Variants in VGLL3 observed in about 807,000 individuals in gnomAD.
VGLL3 encodes vestigial like family member 3, also known as transcription cofactor vestigial-like protein 3.
A neutral mutation model predicts 29.2 loss-of-function variants in VGLL3; 18 were observed. The observed-to-expected ratio is 0.62, with a 90% CI of 0.43 to 0.91. The LOEUF is 0.91. Among genes scored for constraint, VGLL3 ranks in the 40% least tolerant of loss-of-function variants. VGLL3 has a pLI of 0.00. For missense variants in VGLL3, 440 were observed against 413.2 expected (o/e 1.06, Z -0.56); for synonymous variants, 180 against 151.8 (o/e 1.19, Z -1.36).
rs1299304442 is a variant in VGLL3, at chr3:86,938,663, A to G, written c.*8361T>C. On this transcript the variant is annotated 3_prime_UTR_variant, in exon 4 of 4. Transcript: ENST00000398399. ...TCGAACAAAGTCTTGCAGCTCATTT[A>G]TTGATCAGCAGCATTCCAGAGTATG... is the stretch of plus-strand genomic sequence containing the variant. 1 of 152,636 alleles carries G rather than the reference A, an allele frequency of 6.6e-6. No homozygotes were observed. The highest frequency in any genetic ancestry group is 1.5e-5 in the Non-Finnish European group (1 of 68,038). 9.5% of individuals were successfully genotyped at this position (152,636 alleles called of 1,614,324 possible).
At chr3:86,986,312 A>C (rs79228005) in intron 1 of VGLL3, among the ~76,000 whole-genome samples, 2,518 of 152,212 alleles carry the variant, frequency 0.017, 76 homozygotes, top group African/African-American at 0.057. Flanking sequence ...TTCTTGGTGA[A>C]CACATCCTCA....
chr3:86,946,887 C>A lies in VGLL3; in HGVS notation c.*137G>T, dbSNP rs1704518810. The A allele has an allele frequency of 1.6e-6, 1 of 638,374 alleles. No individual in the cohort carries two copies. Among genetic ancestry groups the A allele is most frequent in the Non-Finnish European group, 2.9e-6 (1 of 348,628 alleles). 39.5% of individuals were successfully genotyped at this position (638,374 alleles called of 1,614,324 possible). On this transcript the variant is annotated 3_prime_UTR_variant, in exon 4 of 4. Coordinates refer to ENST00000398399, the MANE Select transcript of VGLL3 (RefSeq NM_016206.4). ...TTGCTTTCTCAAGAAAGGCCGAAAA[C>A]CAGTCAACTGCGTGACACTTTGTCT...
intron 2 of VGLL3, among the ~76,000 whole-genome samples, chr3:86,977,980 A>G (rs1268721697): frequency 6.6e-6 from 1 of 152,220 alleles, no homozygotes; most frequent in Non-Finnish European, 1.5e-5. Flanking sequence ...TTATCAAGGT[A>G]AAAACACTAG....
intron 1 of VGLL3, chr3:86,990,384 T>TCC: frequency 5.1e-6 from 5 of 985,310 alleles, no homozygotes; most frequent in Non-Finnish European, 6.0e-6. Flanking sequence ...GCCTCTGAGC[T>TCC]CCGGTGACCA....
intron 3 of VGLL3, among the ~76,000 whole-genome samples, chr3:86,966,393 T>C (rs1704960363): frequency 6.6e-6 from 1 of 152,090 alleles, no homozygotes. Context: ...ATGATTATGC[T>C]AATAATTTTA....
intron 3 of VGLL3, among the ~76,000 whole-genome samples, chr3:86,952,284 C>T (rs1704633339): frequency 6.6e-6 from 1 of 152,068 alleles, no homozygotes; most frequent in Non-Finnish European, 1.5e-5. Context: ...AATAAATAAA[C>T]ATTGGGTAAC....
At chr3:86,949,046 G>A (rs1440456564) in intron 3 of VGLL3, among the ~76,000 whole-genome samples, 1 of 152,130 alleles carries the variant, frequency 6.6e-6, no homozygotes, top group Admixed American at 6.5e-5. Flanking sequence ...CTTGAAGACT[G>A]CATCAATCTA....
chr3:86,983,297 G>C (rs1382250068), intron 1 of VGLL3, among the ~76,000 whole-genome samples: 1 of 152,150 alleles, frequency 6.6e-6, no homozygotes, highest in Non-Finnish European at 1.5e-5. Flanking sequence ...GGAGCTATAA[G>C]AAGAAATCAC....
At chr3:86,976,230 C>T (rs1705206789) in intron 2 of VGLL3, among the ~76,000 whole-genome samples, 1 of 152,218 alleles carries the variant, frequency 6.6e-6, no homozygotes. Flanking sequence ...TCTTCAGGGC[C>T]TTTGCACTAT....
rs1399853317 is a variant in VGLL3, at chr3:86,939,560, G to A, written c.*7464C>T. 6.5e-6 allele frequency: 1 copy of A among 152,828 alleles called. No homozygotes were observed. The highest frequency in any genetic ancestry group is 1.5e-5 in the Non-Finnish European group (1 of 68,580). The allele number at this position is 152,828 out of a possible 1,614,324, so 9.5% of individuals were successfully genotyped here. A position where few individuals can be genotyped will look rare whatever the true frequency, so the allele number is the denominator to read the frequency against. On this transcript the variant is annotated 3_prime_UTR_variant, in exon 4 of 4. Coordinates refer to ENST00000398399, the MANE Select transcript of VGLL3 (RefSeq NM_016206.4). ...GAATCCTTTGAACCCGGGAGGTGGA[G>A]GTTGGAGTGAGCCGAGATCGCGCCA...
Position 86,968,773 on chromosome 3 carries a change from C to A in VGLL3, c.754G>T (p.Gly252Cys). ...CCATAGGATGGATCCAGGGCAGAGC[C>A]AGCAGGAGGGTGGTGATGGTGATGA... ...HHHHHHHPPA[G>C]SALDPSYGPL... is the part of the protein sequence containing the mutation. The change falls in exon 3 of 4, where the codon GGC becomes TGC. Residue 252 changes from glycine (G) to cysteine (C), a missense_variant. Transcript: ENST00000398399. 6.2e-7 allele frequency: 1 copy of A among 1,614,060 alleles called. No individual in the cohort carries two copies. The highest frequency in any genetic ancestry group is 1.1e-5 in the South Asian group (1 of 91,058).
intron 2 of VGLL3, among the ~76,000 whole-genome samples, chr3:86,972,221 T>C (rs759543192): frequency 3.9e-5 from 6 of 152,194 alleles, no homozygotes; most frequent in Non-Finnish European, 8.8e-5. Flanking sequence ...GAAGACATTA[T>C]TACTGAAAGT....
At chr3:86,978,858 C>A in intron 1 of VGLL3, 56 bp from the exon 2 acceptor site, 1 of 1,490,284 alleles carries the variant, frequency 6.7e-7, no homozygotes, top group Non-Finnish European at 8.9e-7. Context: ...AAAGCATTCA[C>A]TAGTTAAGTT....
At chr3:86,968,560 T>C in intron 3 of VGLL3, 30 bp downstream of exon 3, 1 of 1,580,548 alleles carries the variant, frequency 6.3e-7, no homozygotes, top group African/African-American at 1.4e-5. Flanking sequence ...CTTTATCTTG[T>C]TATAGGAAGA....
intron 1 of VGLL3, among the ~76,000 whole-genome samples, chr3:86,981,833 G>A (rs534274965): frequency 3.2e-4 from 48 of 151,800 alleles, no homozygotes; most frequent in African/African-American, 1.0e-3. Flanking sequence ...AAATATTTAC[G>A]TTTACAACAC....
chr3:86,963,474 T>C (rs775405048), intron 3 of VGLL3, among the ~76,000 whole-genome samples: 2 of 152,218 alleles, frequency 1.3e-5, no homozygotes, highest in Non-Finnish European at 2.9e-5. Flanking sequence ...ATAGGAGTTC[T>C]TGTTACAGTG....
At chr3:86,985,556 A>G (rs2107070083) in intron 1 of VGLL3, among the ~76,000 whole-genome samples, 1 of 152,314 alleles carries the variant, frequency 6.6e-6, no homozygotes, top group Middle Eastern at 3.4e-3. Flanking sequence ...CTGAACTATC[A>G]GTAAATATGG....
chr3:86,965,340 A>G (rs1704935865), intron 3 of VGLL3, among the ~76,000 whole-genome samples: 1 of 152,124 alleles, frequency 6.6e-6, no homozygotes, highest in African/African-American at 2.4e-5. Flanking sequence ...GCTGCTCAGT[A>G]GTCACCCAAT....
intron 2 of VGLL3, among the ~76,000 whole-genome samples, chr3:86,969,548 T>C (rs959632700): frequency 8.5e-5 from 13 of 152,216 alleles, no homozygotes; most frequent in African/African-American, 3.1e-4. Context: ...TACCAACTTC[T>C]AAATGCAAAT....
Sources: gnomAD v4.1 joint callset for allele counts (sites outside exome capture counted in the v4.1 genomes callset) on GRCh38, gnomAD v4.1.1 for gene constraint, MANE v1.5 for transcripts, NCBI Gene and HGNC (gene_info 2026-07-23, HGNC 2026-07-21) for gene names.